The following SYT11 variants were observed in gnomAD, a reference collection of about 807,000 sequenced individuals.
SYT11 encodes the protein synaptotagmin 11.
A neutral mutation model predicts 30.4 loss-of-function variants in SYT11; 12 were observed. The ratio of observed to expected loss-of-function variants is 0.39; its 90% CI spans 0.25 to 0.64. The LOEUF (loss-of-function observed/expected upper bound fraction) is 0.64, where lower values mean the gene tolerates loss of function less well. Ranked by LOEUF, SYT11 falls within the 30% of genes least tolerant of loss-of-function variation. The pLI, the probability that SYT11 is intolerant of heterozygous loss-of-function variation, is 0.45. For missense variants in SYT11, 412 were observed against 552.0 expected, an observed-to-expected ratio of 0.75 and a Z score of 2.54; for synonymous variants, 204 against 216.0, an observed-to-expected ratio of 0.94 and a Z score of 0.49.
Position 155,868,183 on chromosome 1 carries a change from C to A in SYT11, c.253C>A (p.Pro85Thr). The change falls in exon 2 of 4, where the codon CCT (proline) becomes ACT (threonine). Residue 85 changes from proline to threonine, a missense_variant. By Grantham distance (38) the Pro-to-Thr change is conservative. Coordinates refer to ENST00000368324, the MANE Select transcript of SYT11 (RefSeq NM_152280.5). The surrounding 1 kb of genome is among the most constrained non-coding windows in gnomAD (Gnocchi z 4.7). ...CAAAGTGCGGAGAGACAAAGATGGT[C>A]CTGGGAGGGAAGGTGGACGTAGGAA... ...IIKVRRDKDG[P>T]GREGGRRNLL... The A allele has an allele frequency of 6.2e-7, 1 of 1,614,054 alleles. No homozygotes were observed. Among genetic ancestry groups the A allele is most frequent in the Non-Finnish European group, 8.5e-7 (1 of 1,180,004 alleles).
Position 155,868,797 on chromosome 1 carries a change from T to C in SYT11, c.861+6T>C. The C allele has an allele frequency of 6.2e-7, 1 of 1,605,764 alleles. No homozygotes were observed. Among genetic ancestry groups the C allele is most frequent in the Non-Finnish European group, 8.5e-7 (1 of 1,174,386 alleles). The stretch of plus-strand genomic sequence containing the variant: ...TCATCAAAAGGAATATCCAGGTGAG[T>C]AGGAAGTGTGTGTTGGGGAGCAATG... On this transcript the variant is annotated splice_donor_region_variant and intron_variant, in intron 2 of 3. Transcript: ENST00000368324. The surrounding 1 kb of genome is among the most constrained non-coding windows in gnomAD (Gnocchi z 4.7).
chr1:155,885,069 G>A lies in SYT11; in HGVS notation c.*3561G>A, dbSNP rs943993929. 1 of 152,168 alleles carries A rather than the reference G, an allele frequency of 6.6e-6. No homozygotes were observed. Among genetic ancestry groups the A allele is most frequent in the African/African-American group, 2.4e-5 (1 of 41,230 alleles). The allele number at this position is 152,168 out of a possible 1,614,324, so 9.4% of individuals were successfully genotyped here. Reference sequence around the variant, plus strand: ...TTGAAAAAAAAAGAAAACTGAAAAAGCTAACATGAATTGTGTGAAATTGCA... The same window carrying A: ...TTGAAAAAAAAAGAAAACTGAAAAAACTAACATGAATTGTGTGAAATTGCA... On this transcript the variant is annotated 3_prime_UTR_variant, in exon 4 of 4. Transcript: ENST00000368324.
intron 2 of SYT11, among the ~76,000 whole-genome samples, chr1:155,873,749 G>A (rs1672816119): frequency 6.6e-6 from 1 of 152,156 alleles, no homozygotes; most frequent in Non-Finnish European, 1.5e-5. Flanking sequence ...TAGTGTAACT[G>A]AGGAACTATA....
intron 2 of SYT11, among the ~76,000 whole-genome samples, chr1:155,873,175 C>A (rs1176051937): frequency 6.6e-6 from 1 of 152,180 alleles, no homozygotes; most frequent in Non-Finnish European, 1.5e-5. Context: ...GGCCTGTAAT[C>A]CCAGCCCTTT....
intron 2 of SYT11, among the ~76,000 whole-genome samples, chr1:155,877,773 G>C (rs906276851): frequency 2.0e-5 from 3 of 151,928 alleles, no homozygotes; most frequent in East Asian, 3.9e-4. Context: ...AGCCAGGATG[G>C]TCTCGATCTC....
intron 2 of SYT11, among the ~76,000 whole-genome samples, chr1:155,875,998 G>A (rs554927234): frequency 6.6e-6 from 1 of 152,266 alleles, no homozygotes; most frequent in South Asian, 2.1e-4. Flanking sequence ...TTCAGCCCTA[G>A]CTTCTAGCAG....
At chr1:155,866,152 G>A (rs914452126) in intron 1 of SYT11, among the ~76,000 whole-genome samples, 6 of 100,452 alleles carry the variant, frequency 6.0e-5, no homozygotes, top group African/African-American at 2.3e-4. Context: ...TCGGTCTTTT[G>A]CCCAGGCTGG....
intron 2 of SYT11, among the ~76,000 whole-genome samples, chr1:155,874,845 G>C (rs1449047311): frequency 7.0e-6 from 1 of 143,096 alleles, no homozygotes; most frequent in Non-Finnish European, 1.5e-5. Context: ...AGCCGAGATC[G>C]CGCCACTGCA....
At position 155,859,738 on chromosome 1, in the gene SYT11, A is replaced by G. The variant is rs1321917547; in HGVS notation, c.-24A>G. Reference sequence around the variant, plus strand: ...GCTGTCTCACCATTGCAAAAACGTTATAGCAACAGCCTCTGATTACGACAT... The same window carrying G: ...GCTGTCTCACCATTGCAAAAACGTTGTAGCAACAGCCTCTGATTACGACAT... On this transcript the variant is annotated 5_prime_UTR_variant, in exon 1 of 4. Coordinates refer to ENST00000368324, the MANE Select transcript of SYT11 (RefSeq NM_152280.5). 6.2e-7 allele frequency: 1 copy of G among 1,613,636 alleles called. No homozygotes were observed. Among genetic ancestry groups the G allele is most frequent in the South Asian group, 1.1e-5 (1 of 91,074 alleles).
intron 2 of SYT11, among the ~76,000 whole-genome samples, chr1:155,873,527 T>G (rs184328077): frequency 1.3e-5 from 2 of 152,346 alleles, no homozygotes; most frequent in East Asian, 3.9e-4. Flanking sequence ...ATTTAGATAC[T>G]CAGTATTGAA....
rs1437274504 is a variant in SYT11 at position 155,868,255 on chromosome 1, G to T, written c.325G>T (p.Asp109Tyr). 6.2e-7 allele frequency: 1 copy of T among 1,614,114 alleles called. No homozygotes were observed. The highest frequency in any genetic ancestry group is 2.2e-5 in the East Asian group (1 of 44,878). ...GGCTGGCCTGCTAAGCCGAGACAAA[G>T]ATCCCAGGGGGCCTAGCTCTGGATC... ...AEAGLLSRDK[D>Y]PRGPSSGSCI... Residue 109 changes from aspartate (D) to tyrosine (Y), a missense_variant, in exon 2 of 4, where the codon GAT (aspartate) becomes TAT (tyrosine). Transcript: ENST00000368324. The surrounding 1 kb of genome is among the most constrained non-coding windows in gnomAD (Gnocchi z 4.7).
intron 2 of SYT11, among the ~76,000 whole-genome samples, chr1:155,879,810 T>G (rs1297631498): frequency 1.3e-5 from 2 of 152,248 alleles, no homozygotes; most frequent in Admixed American, 6.5e-5. Context: ...CTTCTGATAA[T>G]GCTATGTGGT....
In SYT11 at chr1:155,882,574, T is replaced by A. The variant is rs895269838; in HGVS notation, c.*1066T>A. 8 of 152,336 alleles carry A rather than the reference T, an allele frequency of 5.3e-5. No homozygotes were observed. Among genetic ancestry groups the A allele is most frequent in the Non-Finnish European group, 1.0e-4 (7 of 68,036 alleles). 9.4% of individuals were successfully genotyped at this position (152,336 alleles called of 1,614,324 possible). A position where few individuals can be genotyped will look rare whatever the true frequency, so the allele number is the denominator to read the frequency against. On this transcript the variant is annotated 3_prime_UTR_variant, in exon 4 of 4. Coordinates refer to ENST00000368324, the MANE Select transcript of SYT11 (RefSeq NM_152280.5). ...ACATCAGACTTATGCATCCAAGACA[T>A]CAGAACTTGGATTTTATCAAACTTG...
Position 155,868,296 on chromosome 1 carries a change from A to T in SYT11, c.366A>T (p.Leu122Phe). Residue 122 changes from leucine to phenylalanine, a missense_variant, in exon 2 of 4, where the codon TTA becomes TTT. Coordinates refer to ENST00000368324, the MANE Select transcript of SYT11 (RefSeq NM_152280.5). The surrounding 1 kb of genome is among the most constrained non-coding windows in gnomAD (Gnocchi z 4.7). ...GCTCTGGATCTTGTATAGACCAATT[A>T]CCCATCAAAATGGACTATGGGGAAG... ...GPSSGSCIDQ[L>F]PIKMDYGEEL... The T allele has an allele frequency of 6.2e-7, 1 of 1,613,666 alleles. No homozygotes were observed. Among genetic ancestry groups the T allele is most frequent in the South Asian group, 1.1e-5 (1 of 91,026 alleles).
intron 3 of SYT11, 115 bp downstream of exon 3, chr1:155,880,738 T>C: frequency 8.0e-7 from 1 of 1,248,434 alleles, no homozygotes; most frequent in Non-Finnish European, 1.1e-6. Context: ...TTTAATCTGC[T>C]CCTCTTTCTG....
At chr1:155,870,723 T>A (rs948794193) in intron 2 of SYT11, among the ~76,000 whole-genome samples, 6 of 152,056 alleles carry the variant, frequency 3.9e-5, no homozygotes, top group Admixed American at 1.3e-4. Flanking sequence ...TGAAGAAGGG[T>A]ACTGTGCCAA....
intron 1 of SYT11, among the ~76,000 whole-genome samples, chr1:155,866,572 T>C (rs1672679863): frequency 6.6e-6 from 1 of 152,172 alleles, no homozygotes; most frequent in South Asian, 2.1e-4. Context: ...ATAATATGCG[T>C]GTGGGTGTTT....
At position 155,878,893 on chromosome 1, in the gene SYT11, A is replaced by T. The variant is rs562346751; in HGVS notation, c.862-1607A>T. ...CAAAAAATAAAATTAAAAAATAAAT[A>T]AATAAATTAATTAATTAATTAATTA... On this transcript the variant is annotated intron_variant, in intron 2 of 3. Transcript: ENST00000368324. Among the ~76,000 whole-genome samples, 263 of 151,104 alleles carry T rather than the reference A, an allele frequency of 1.7e-3. 1 individual carries two copies. The highest frequency in any genetic ancestry group is 4.6e-3 in the African/African-American group (192 of 41,312).
At chr1:155,863,734 A>C (rs1202788506) in intron 1 of SYT11, among the ~76,000 whole-genome samples, 2 of 152,110 alleles carry the variant, frequency 1.3e-5, no homozygotes, top group Admixed American at 1.3e-4. Flanking sequence ...CAGCGTGGCC[A>C]ATATGGTGAA....
Sources: allele counts gnomAD v4.1 joint callset (sites outside exome capture counted in the v4.1 genomes callset), GRCh38; gene constraint gnomAD v4.1.1; non-coding constraint Gnocchi (gnomAD v3.1); transcripts MANE v1.5; gene names NCBI Gene and HGNC (gene_info 2026-07-23, HGNC 2026-07-21).